The following DNAH11 variants were observed in gnomAD, a reference collection of about 807,000 sequenced individuals.
The protein encoded by DNAH11 is dynein axonemal heavy chain 11, also known as axonemal beta dynein heavy chain 11.
DNAH11 carries 442 observed loss-of-function variants against 526.0 expected under a neutral mutation model. The ratio of observed to expected loss-of-function variants is 0.84; its 90% CI spans 0.78 to 0.91. The LOEUF (loss-of-function observed/expected upper bound fraction) is 0.91, where lower values mean the gene tolerates loss of function less well. Among genes scored for constraint, DNAH11 ranks in the 40% least tolerant of loss-of-function variants. The pLI is 0.00. For missense variants in DNAH11, 6,989 were observed against 5,448.7 expected (o/e 1.28, Z -8.90); for synonymous variants, 2,461 against 1,935.9 (o/e 1.27, Z -7.12).
intron 28 of DNAH11, among the ~76,000 whole-genome samples, chr7:21,649,656 CTTTT>C (rs576947483): frequency 7.1e-6 from 1 of 140,254 alleles, no homozygotes; most frequent in African/African-American, 2.6e-5. Context: ...GTATCCTACT[CTTTT>C]TTTTTTTTTT....
Position 21,842,639 on chromosome 7 carries a change from T to C in DNAH11, c.10787T>C (p.Leu3596Ser). 6.2e-7 allele frequency: 1 copy of C among 1,613,970 alleles called. No individual in the cohort carries two copies. Among genetic ancestry groups the C allele is most frequent in the Non-Finnish European group, 8.5e-7 (1 of 1,179,878 alleles). The change falls in exon 66 of 82, where the codon TTA (leucine) becomes TCA (serine). Residue 3596 changes from leucine to serine, a missense_variant. Transcript: ENST00000409508. ...GCAAATCCTCACTATAAGCCGGAATTACAAGCTCAGACAACTCTCCTCAAT... is the reference window on the plus strand; with the variant it reads ...GCAAATCCTCACTATAAGCCGGAATCACAAGCTCAGACAACTCTCCTCAAT... ...KLANPHYKPE[L>S]QAQTTLLNFT... is the part of the protein sequence containing the mutation.
At chr7:21,682,908 C>G (rs1783203258) in intron 31 of DNAH11, among the ~76,000 whole-genome samples, 1 of 152,108 alleles carries the variant, frequency 6.6e-6, no homozygotes, top group Non-Finnish European at 1.5e-5. Context: ...ATTGCTAGTC[C>G]AAAACTTTTC....
At position 21,857,039 on chromosome 7, in the gene DNAH11, CA is replaced by C. The variant is rs538674310; in HGVS notation, c.11202+2585del. Among the ~76,000 whole-genome samples the C allele has an allele frequency of 3.8e-3, 574 of 152,214 alleles. 5 individuals are homozygous for C. Among genetic ancestry groups the C allele is most frequent in the Middle Eastern group, 6.8e-3 (2 of 294 alleles). On this transcript the variant is annotated intron_variant, in intron 68 of 81. Coordinates refer to ENST00000409508, the MANE Select transcript of DNAH11 (RefSeq NM_001277115.2). ...AAGAAGAAGAAAAACTGTGTTTTTT[CA>C]CAGATGACCTGATTATGTATATAGA...
rs1788207786 is a variant in DNAH11 at position 21,786,667 on chromosome 7, C to T, written c.9641C>T (p.Ala3214Val). 2 of 1,613,532 alleles carry T rather than the reference C, an allele frequency of 1.2e-6. No homozygotes were observed. The highest frequency in any genetic ancestry group is 4.5e-5 in the East Asian group (2 of 44,880). ...AAAGCCTTTCCCAACCCTCCCATCG[C>T]AGTTACCAATGTTACTGCAGCCGTG... ...ELKAFPNPPI[A>V]VTNVTAAVMV... is the part of the protein sequence containing the mutation. The change falls in exon 59 of 82, where the codon GCA becomes GTA. Residue 3214 changes from alanine to valine, a missense_variant. Physicochemically the swap from Ala to Val is moderately conservative, Grantham distance 64. Coordinates refer to ENST00000409508, the MANE Select transcript of DNAH11 (RefSeq NM_001277115.2).
Position 21,637,670 on chromosome 7 carries a change from T to A in DNAH11, c.4785T>A (p.Asn1595Lys). Residue 1595 changes from asparagine to lysine, a missense_variant, in exon 27 of 82, where the codon AAT becomes AAA. Transcript: ENST00000409508. ...ENVLEATCRP[N>K]LYEKLKDLQS... is the part of the protein sequence containing the mutation. ...TGTTAGAAGCAACGTGCAGACCTAA[T>A]CTCTATGAAAAACTTAAAGATTTAC... is the stretch of plus-strand genomic sequence containing the variant. 2 of 1,578,314 alleles carry A rather than the reference T, an allele frequency of 1.3e-6. No homozygotes were observed. The highest frequency in any genetic ancestry group is 1.2e-5 in the South Asian group (1 of 84,788).
intron 2 of DNAH11, among the ~76,000 whole-genome samples, chr7:21,554,661 G>A (rs966958356): frequency 6.6e-5 from 10 of 152,146 alleles, no homozygotes; most frequent in Admixed American, 3.3e-4. Flanking sequence ...TATAAAAACT[G>A]GATTCTAGGA....
Position 21,616,295 on chromosome 7 carries a change from G to A in DNAH11, c.4095+3G>A, listed in dbSNP as rs375356107. 8.1e-6 allele frequency: 13 copies of A among 1,609,452 alleles called. No homozygotes were observed. Among genetic ancestry groups the A allele is most frequent in the Admixed American group, 1.7e-5 (1 of 59,738 alleles). On this transcript the variant is annotated splice_donor_region_variant and intron_variant, in intron 22 of 81. Transcript: ENST00000409508. ...TAGAACTCAGAAGGTTTGCCAAGGCGAGTTCCATAACTGTCTATTACAACA... is the reference window on the plus strand; with the variant it reads ...TAGAACTCAGAAGGTTTGCCAAGGCAAGTTCCATAACTGTCTATTACAACA...
intron 14 of DNAH11, among the ~76,000 whole-genome samples, chr7:21,599,368 C>T (rs1784985329): frequency 6.6e-6 from 1 of 152,180 alleles, no homozygotes; most frequent in South Asian, 2.1e-4. Flanking sequence ...TCAGATGTTC[C>T]AGAACAGTGT....
intron 9 of DNAH11, 100 bp from the exon 10 acceptor site, chr7:21,587,964 A>C (rs1012100883): frequency 8.7e-7 from 1 of 1,154,034 alleles, no homozygotes; most frequent in African/African-American, 1.6e-5. Context: ...TTAAGATTCT[A>C]AACTTTAGTC....
intron 63 of DNAH11, among the ~76,000 whole-genome samples, chr7:21,808,411 A>G (rs1397182466): frequency 6.6e-6 from 1 of 152,086 alleles, no homozygotes; most frequent in East Asian, 1.9e-4. Flanking sequence ...CTTCCTTTCT[A>G]GCTGTTTGAA....
At chr7:21,551,240 C>T (rs73682617) in intron 2 of DNAH11, among the ~76,000 whole-genome samples, 6,464 of 152,242 alleles carry the variant, frequency 0.042, 139 homozygotes, top group South Asian at 0.06. Flanking sequence ...ACCTTAGGGA[C>T]GTCTGGGATC....
At chr7:21,654,147 T>C (rs1046204677) in intron 28 of DNAH11, among the ~76,000 whole-genome samples, 6 of 152,194 alleles carry the variant, frequency 3.9e-5, no homozygotes, top group Admixed American at 3.9e-4. Context: ...CAATAGCATT[T>C]TGTACATTCA....
rs76845958 is a variant in DNAH11 at position 21,727,716 on chromosome 7, A to T, written c.7440+1732A>T. 0.012 allele frequency among the ~76,000 whole-genome samples: 1,880 copies of T among 152,268 alleles called. 168 individuals carry two copies. The East Asian group carries it at 0.25, about 20-fold the overall frequency. On this transcript the variant is annotated intron_variant, in intron 45 of 81. Coordinates refer to ENST00000409508, the MANE Select transcript of DNAH11 (RefSeq NM_001277115.2). ...CATATAGGTGATTTCTGTGGCATTT[A>T]TTAGGAGGCAATTAGTGCCAAATAA... is the stretch of plus-strand genomic sequence containing the variant.
At chr7:21,725,699 T>C in intron 44 of DNAH11, 112 bp from the exon 45 acceptor site, 3 of 1,047,094 alleles carry the variant, frequency 2.9e-6, no homozygotes, top group Non-Finnish European at 1.4e-6. Flanking sequence ...TTGATGGGTA[T>C]ATGGCAATTT....
chr7:21,811,174 C>T (rs1278526851), intron 63 of DNAH11, among the ~76,000 whole-genome samples: 2 of 152,012 alleles, frequency 1.3e-5, no homozygotes, highest in African/African-American at 4.8e-5. Context: ...TGAAATTAGC[C>T]AGTCACAGCT....
chr7:21,629,927 T>C (rs2128457610), intron 25 of DNAH11, among the ~76,000 whole-genome samples: 1 of 152,274 alleles, frequency 6.6e-6, no homozygotes, highest in South Asian at 2.1e-4. Context: ...TGAGTGTTGT[T>C]ATTAAGGACT....
At chr7:21,556,100 C>T (rs1203512618) in intron 2 of DNAH11, among the ~76,000 whole-genome samples, 1 of 152,196 alleles carries the variant, frequency 6.6e-6, no homozygotes, top group African/African-American at 2.4e-5. Context: ...TTACAATTCT[C>T]ACAGACGGTG....
At chr7:21,601,749 CA>C in intron 18 of DNAH11, 131 bp downstream of exon 18, 1 of 639,490 alleles carries the variant, frequency 1.6e-6, no homozygotes, top group African/African-American at 1.9e-5. Flanking sequence ...TTTCAATTTA[CA>C]GGTTAGGAAT....
rs530025168 is a variant in DNAH11, at chr7:21,866,301, G to T, written c.11497-169G>T. Among the ~76,000 whole-genome samples, 6 of 137,650 alleles carry T rather than the reference G, an allele frequency of 4.4e-5. No homozygotes were observed. The East Asian group carries it at 1.3e-3, about 29-fold the overall frequency. The allele number at this position is 137,650 out of a possible 152,430, so 90.3% of individuals were successfully genotyped here. Reference sequence around the variant, plus strand: ...GGAACTCAGCTCAAGTGTCCTTTGAGCTTACCCTCTCAGCAGAGCAAAAAA... The same window carrying T: ...GGAACTCAGCTCAAGTGTCCTTTGATCTTACCCTCTCAGCAGAGCAAAAAA... On this transcript the variant is annotated intron_variant, in intron 70 of 81. Transcript: ENST00000409508.
Sources: gnomAD v4.1 joint callset for allele counts (sites outside exome capture counted in the v4.1 genomes callset) on GRCh38, gnomAD v4.1.1 for gene constraint, MANE v1.5 for transcripts, NCBI Gene and HGNC (gene_info 2026-07-23, HGNC 2026-07-21) for gene names.